Variants in ZNF430 observed in about 807,000 individuals in gnomAD.
ZNF430 encodes the protein zinc finger protein 430.
In ZNF430, 35 loss-of-function variants were observed where a neutral mutation model predicts 56.7. That is an observed-to-expected ratio of 0.62 (90% CI 0.47 to 0.82). The LOEUF (loss-of-function observed/expected upper bound fraction) is 0.82, where lower values mean the gene tolerates loss of function less well. ZNF430 is among the 40% of genes least tolerant of loss of function. The pLI is 0.00. For missense variants in ZNF430, 574 were observed against 661.0 expected (o/e 0.87, Z 1.44); for synonymous variants, 212 against 224.3 (o/e 0.94, Z 0.49).
At chr19:21,021,823 A>ATTTTGTTTTTTTTTTT (rs1967692473) in intron 1 of ZNF430, among the ~76,000 whole-genome samples, 1 of 85,726 alleles carries the variant, frequency 1.2e-5, no homozygotes, top group African/African-American at 5.3e-5. Flanking sequence ...CCTGAGTTAG[A>ATTTTGTTTTTTTTTTT]TTTTTTTTTT....
At chr19:21,030,480 T>G (rs977147960) in intron 2 of ZNF430, among the ~76,000 whole-genome samples, 2 of 128,564 alleles carry the variant, frequency 1.6e-5, no homozygotes, top group Non-Finnish European at 3.4e-5. Flanking sequence ...AAACATTGCA[T>G]TTGTATATGT....
chr19:21,050,318 C>T (rs1322608023), intron 4 of ZNF430, among the ~76,000 whole-genome samples: 1 of 151,986 alleles, frequency 6.6e-6, no homozygotes, highest in Non-Finnish European at 1.5e-5. Flanking sequence ...GGTATGCCAC[C>T]TCATACCAAT....
intron 4 of ZNF430, among the ~76,000 whole-genome samples, chr19:21,041,561 A>G (rs750621297): frequency 6.6e-6 from 1 of 152,194 alleles, no homozygotes; most frequent in Non-Finnish European, 1.5e-5. Context: ...AGTTTGTTAC[A>G]TAGGTAAACA....
chr19:21,033,373 C>T (rs558839590), intron 2 of ZNF430, 83 bp from the exon 3 acceptor site: 4 of 1,494,698 alleles, frequency 2.7e-6, no homozygotes, highest in East Asian at 4.9e-5. Flanking sequence ...TTTATTCTGT[C>T]ATTTCACTTT....
rs1174425243 is a variant in ZNF430 at position 21,056,782 on chromosome 19, C to T, written c.474C>T (p.His158=). 2 of 1,613,722 alleles carry T rather than the reference C, an allele frequency of 1.2e-6. No individual in the cohort carries two copies. The highest frequency in any genetic ancestry group is 1.7e-6 in the Non-Finnish European group (2 of 1,179,922). The change falls in exon 5 of 5, where the codon CAC becomes CAT. Residue 158 remains histidine (H), a synonymous_variant. Coordinates refer to ENST00000261560, the MANE Select transcript of ZNF430 (RefSeq NM_025189.4). The stretch of plus-strand genomic sequence containing the variant: ...AAAGTGTGGATGAGTGTAATCTGCA[C>T]AAAGAATGTTATGATGAACTAAACC... ...GCKSVDECNL[H]KECYDELNQC... is the part of the protein sequence containing the mutation.
intron 4 of ZNF430, among the ~76,000 whole-genome samples, chr19:21,049,933 T>C (rs568217592): frequency 1.4e-5 from 1 of 72,276 alleles, no homozygotes; most frequent in East Asian, 3.7e-4. Flanking sequence ...TTCTTCTCTT[T>C]TTTTTTTTTG....
In ZNF430 at chr19:21,059,645, T is replaced by C. The variant is rs568947476; in HGVS notation, c.*1624T>C. The C allele has an allele frequency of 3.9e-5, 6 of 152,212 alleles. No individual in the cohort carries two copies. In the South Asian group the frequency reaches 1.2e-3, roughly 32 times the overall value. 9.4% of individuals were successfully genotyped at this position (152,212 alleles called of 1,614,324 possible). A position where few individuals can be genotyped will look rare whatever the true frequency, so the allele number is the denominator to read the frequency against. ...TTTTGCAGAGTTATTACGTTTGAAGTATACTTTATTTCTTGAAAAAATTAC... is the reference window on the plus strand; with the variant it reads ...TTTTGCAGAGTTATTACGTTTGAAGCATACTTTATTTCTTGAAAAAATTAC... On this transcript the variant is annotated 3_prime_UTR_variant, in exon 5 of 5. Coordinates refer to ENST00000261560, the MANE Select transcript of ZNF430 (RefSeq NM_025189.4).
At chr19:21,035,499 G>T (rs1967979492) in intron 4 of ZNF430, 2 of 193,392 alleles carry the variant, frequency 1.0e-5, no homozygotes, top group Non-Finnish European at 2.2e-5. Flanking sequence ...CAATTTCAGT[G>T]GCTTTTTAAA....
intron 4 of ZNF430, 31 bp downstream of exon 4, chr19:21,034,215 G>C (rs776313056): frequency 7.9e-6 from 11 of 1,393,044 alleles, no homozygotes; most frequent in Non-Finnish European, 9.8e-6. Context: ...CAGACGACAT[G>C]AATGAGAGGT....
At chr19:21,045,050 G>A (rs1968165237) in intron 4 of ZNF430, among the ~76,000 whole-genome samples, 1 of 151,956 alleles carries the variant, frequency 6.6e-6, no homozygotes, top group Non-Finnish European at 1.5e-5. Flanking sequence ...GTTTTTTGAA[G>A]GGTTTTTTGT....
At position 21,057,810 on chromosome 19, in the gene ZNF430, C is replaced by G. The variant is rs772905053; in HGVS notation, c.1502C>G (p.Thr501Ser). Residue 501 changes from threonine (T) to serine (S), a missense_variant, in exon 5 of 5, where the codon ACT becomes AGT. By Grantham distance (58) the Thr-to-Ser change is moderately conservative (BLOSUM62 1). This residue lies in a region of ZNF430 where 213 missense variants were observed against 221.0 expected (regional missense o/e 0.96). Coordinates refer to ENST00000261560, the MANE Select transcript of ZNF430 (RefSeq NM_025189.4). ...GCTTTTAACCAATTCTCAAACCTTA[C>G]TAAACATAAGATAACTCATATTGGA... ...GKAFNQFSNL[T>S]KHKITHIGDT... 1 of 1,613,972 alleles carries G rather than the reference C, an allele frequency of 6.2e-7. No homozygotes were observed. Among genetic ancestry groups the G allele is most frequent in the Admixed American group, 1.7e-5 (1 of 59,998 alleles).
intron 2 of ZNF430, among the ~76,000 whole-genome samples, chr19:21,031,541 G>A (rs1160643482): frequency 2.0e-5 from 3 of 152,102 alleles, no homozygotes; most frequent in Non-Finnish European, 2.9e-5. Flanking sequence ...AGAGCAGCTC[G>A]TTGTTCCTGA....
At chr19:21,038,895 G>A (rs1395491437) in intron 4 of ZNF430, among the ~76,000 whole-genome samples, 2 of 152,268 alleles carry the variant, frequency 1.3e-5, no homozygotes, top group African/African-American at 4.8e-5. Flanking sequence ...ACTGTAGGTT[G>A]TATTGACAAC....
At chr19:21,036,176 A>G (rs1388910202) in intron 4 of ZNF430, 1 of 153,692 alleles carries the variant, frequency 6.5e-6, no homozygotes, top group Admixed American at 6.6e-5. Flanking sequence ...TAATTAAGAG[A>G]TAAATCAGCC....
In ZNF430 at chr19:21,047,516, T is replaced by C. The variant is rs573260680; in HGVS notation, c.323-9115T>C. The stretch of plus-strand genomic sequence containing the variant: ...GGCTGCTGACCTTTGGATGGGATGC[T>C]TGTGAGGATTTTTTTGTTCATGCTG... On this transcript the variant is annotated intron_variant, in intron 4 of 4. Transcript: ENST00000261560. Among the ~76,000 whole-genome samples the C allele has an allele frequency of 9.8e-5, 15 of 152,324 alleles. No homozygotes were observed. The South Asian group carries it at 3.1e-3, about 32-fold the overall frequency.
chr19:21,025,376 C>A (rs1967772961), intron 2 of ZNF430, among the ~76,000 whole-genome samples: 1 of 152,166 alleles, frequency 6.6e-6, no homozygotes, highest in Admixed American at 6.5e-5. Flanking sequence ...CTCATCCCAT[C>A]TTGGTTTTGG....
rs117476967 is a variant in ZNF430, at chr19:21,033,320, A to G, written c.97-136A>G. The stretch of plus-strand genomic sequence containing the variant: ...CTCTGTCTCAAAAAAAAAAAAAATT[A>G]TTGGATAATTTCAGTCATTCCTGCA... On this transcript the variant is annotated intron_variant, in intron 2 of 4. Coordinates refer to ENST00000261560, the MANE Select transcript of ZNF430 (RefSeq NM_025189.4). 2,786 of 1,224,410 alleles carry G rather than the reference A, an allele frequency of 2.3e-3. 46 individuals carry two copies. In the East Asian group the frequency reaches 0.042, roughly 18 times the overall value. The allele number at this position is 1,224,410 out of a possible 1,614,324, so 75.8% of individuals were successfully genotyped here.
chr19:21,045,445 TG>T (rs1189902180), intron 4 of ZNF430, among the ~76,000 whole-genome samples: 1 of 152,104 alleles, frequency 6.6e-6, no homozygotes, highest in Non-Finnish European at 1.5e-5. Flanking sequence ...GAGACTGTTA[TG>T]ATTTCAGTTC....
intron 4 of ZNF430, among the ~76,000 whole-genome samples, chr19:21,047,995 T>C (rs965421138): frequency 6.6e-6 from 1 of 152,164 alleles, no homozygotes; most frequent in African/African-American, 2.4e-5. Context: ...TTTATGTATT[T>C]CTTGTAGATA....
Sources: allele counts gnomAD v4.1 joint callset (sites outside exome capture counted in the v4.1 genomes callset), GRCh38; gene constraint gnomAD v4.1.1; regional missense constraint gnomAD v4.1.1; transcripts MANE v1.5; gene names NCBI Gene and HGNC (gene_info 2026-07-23, HGNC 2026-07-21).